Variants in SMOC2 observed in about 807,000 individuals in gnomAD.
SMOC2 encodes SPARC-related modular calcium-binding protein 2.
SMOC2 carries 39 observed loss-of-function variants against 61.4 expected under a neutral mutation model. That is an observed-to-expected ratio of 0.64 (90% CI 0.49 to 0.83). The LOEUF (loss-of-function observed/expected upper bound fraction) is 0.83, where lower values mean the gene tolerates loss of function less well. Ranked by LOEUF, SMOC2 falls within the 40% of genes least tolerant of loss-of-function variation. The probability of loss-of-function intolerance (pLI) is 0.00; values close to 1 mark genes in which losing one functional copy is unlikely to be tolerated. For missense variants in SMOC2, 556 were observed against 592.9 expected (o/e 0.94, Z 0.65); for synonymous variants, 247 against 239.9 (o/e 1.03, Z -0.27).
intron 7 of SMOC2, among the ~76,000 whole-genome samples, chr6:168,574,431 C>A (rs1434958448): frequency 6.6e-6 from 1 of 152,164 alleles, no homozygotes; most frequent in South Asian, 2.1e-4. Flanking sequence ...GGGGAGAGGT[C>A]GCCTGAAGCC....
intron 7 of SMOC2, among the ~76,000 whole-genome samples, chr6:168,550,030 T>C (rs555742164): frequency 6.6e-6 from 1 of 152,344 alleles, no homozygotes; most frequent in South Asian, 2.1e-4. Flanking sequence ...AATGGGTTGC[T>C]TCATCTTTGG....
intron 9 of SMOC2, among the ~76,000 whole-genome samples, chr6:168,643,604 T>A (rs12196836): frequency 0.91 from 137,901 of 152,292 alleles, 62,620 homozygotes; most frequent in African/African-American, 0.96. Context: ...GGCGTGGTGG[T>A]GGGCAGGGGC....
intron 7 of SMOC2, among the ~76,000 whole-genome samples, chr6:168,559,688 C>G (rs148011986): frequency 4.9e-4 from 75 of 152,214 alleles, no homozygotes; most frequent in African/African-American, 1.7e-3. Context: ...CACCCACCAA[C>G]GGCGTTTCCT....
intron 9 of SMOC2, among the ~76,000 whole-genome samples, chr6:168,617,444 C>G (rs1786123409): frequency 6.6e-6 from 1 of 152,150 alleles, no homozygotes; most frequent in East Asian, 1.9e-4. Flanking sequence ...GCCCAGGGCA[C>G]TGCATTCGTG....
At chr6:168,454,288 G>A (rs550387221) in intron 1 of SMOC2, among the ~76,000 whole-genome samples, 8 of 152,116 alleles carry the variant, frequency 5.3e-5, no homozygotes, top group Non-Finnish European at 1.2e-4. Flanking sequence ...TGAGAGCTGA[G>A]GCATCGCTGA....
chr6:168,477,843 A>G (rs778725867), intron 1 of SMOC2, among the ~76,000 whole-genome samples: 20 of 152,184 alleles, frequency 1.3e-4, no homozygotes, highest in Non-Finnish European at 2.2e-4. Flanking sequence ...AGTAAAGTAC[A>G]ATTCTGCAGC....
chr6:168,648,721 G>C (rs1292608084), intron 9 of SMOC2, among the ~76,000 whole-genome samples: 1 of 152,170 alleles, frequency 6.6e-6, no homozygotes, highest in East Asian at 1.9e-4. Context: ...TGCACTCTCA[G>C]AACCCCCCTG....
chr6:168,526,231 TC>T, intron 2 of SMOC2, 114 bp from the exon 3 acceptor site: 1 of 892,072 alleles, frequency 1.1e-6, no homozygotes. Context: ...CTTTCCAGCC[TC>T]CAGGTCCTCA....
chr6:168,574,816 A>G (rs756727446), intron 7 of SMOC2, among the ~76,000 whole-genome samples: 7 of 152,116 alleles, frequency 4.6e-5, no homozygotes, highest in Non-Finnish European at 1.0e-4. Context: ...CCTTTCTCCA[A>G]GTCAAAACAA....
chr6:168,520,164 T>C (rs2763244), intron 2 of SMOC2, among the ~76,000 whole-genome samples: 147,790 of 152,230 alleles, frequency 0.97, 71,749 homozygotes, highest in East Asian at 1. Context: ...CACAGCACTT[T>C]CATCTATATT....
chr6:168,658,880 T>C lies in SMOC2; in HGVS notation c.1286-5194T>C, dbSNP rs146928121. Among the ~76,000 whole-genome samples the C allele has an allele frequency of 3.4e-5, 5 of 147,226 alleles. No individual in the cohort carries two copies. The East Asian group carries it at 1.0e-3, about 29-fold the overall frequency. On this transcript the variant is annotated intron_variant, in intron 11 of 12. Coordinates refer to ENST00000356284, the MANE Select transcript of SMOC2 (RefSeq NM_001166412.2). The stretch of plus-strand genomic sequence containing the variant: ...CAGGACACAGCTCAGACTGTGTGTG[T>C]GTGTGGAGTATGTGTATGTGTGGTG...
chr6:168,610,770 T>C (rs1266512511), intron 9 of SMOC2, among the ~76,000 whole-genome samples: 1 of 150,348 alleles, frequency 6.7e-6, no homozygotes, highest in Non-Finnish European at 1.5e-5. Flanking sequence ...CATTTTATTA[T>C]ATGGCACAAG....
At chr6:168,487,337 G>A (rs535987015) in intron 1 of SMOC2, among the ~76,000 whole-genome samples, 31 of 152,156 alleles carry the variant, frequency 2.0e-4, no homozygotes, top group South Asian at 4.1e-4. Context: ...TTGACTACTC[G>A]TCAGGGTGAT....
In SMOC2 at chr6:168,535,464, T is replaced by A. The variant is rs1490733461; in HGVS notation, c.463+7737T>A. Among the ~76,000 whole-genome samples the A allele has an allele frequency of 6.6e-6, 1 of 152,116 alleles. No homozygotes were observed. The highest frequency in any genetic ancestry group is 1.5e-5 in the Non-Finnish European group (1 of 68,018). Reference sequence around the variant, plus strand: ...AGAGTGATACAGCTGTACTCAGACATTTTTCTCCTGCCATTGAATCAGGGT... The same window carrying A: ...AGAGTGATACAGCTGTACTCAGACAATTTTCTCCTGCCATTGAATCAGGGT... On this transcript the variant is annotated intron_variant, in intron 4 of 12. Coordinates refer to ENST00000356284, the MANE Select transcript of SMOC2 (RefSeq NM_001166412.2). The surrounding 1 kb of genome is among the most constrained non-coding windows in gnomAD (Gnocchi z 4.6).
chr6:168,608,297 C>T, intron 9 of SMOC2, 58 bp downstream of exon 9: 1 of 1,546,470 alleles, frequency 6.5e-7, no homozygotes. Flanking sequence ...CAGTTTCTTG[C>T]AAATTTGGAA....
intron 2 of SMOC2, among the ~76,000 whole-genome samples, chr6:168,516,330 G>A (rs1056511638): frequency 6.6e-5 from 10 of 151,474 alleles, no homozygotes; most frequent in African/African-American, 2.2e-4. Context: ...AGACTTTTAG[G>A]GCTGTCTTTC....
chr6:168,608,026 G>C, intron 8 of SMOC2, 131 bp from the exon 9 acceptor site: 3 of 746,574 alleles, frequency 4.0e-6, no homozygotes, highest in Non-Finnish European at 6.7e-6. Flanking sequence ...GAGGTCATGG[G>C]TGTCATAGCA....
At position 168,451,463 on chromosome 6, in the gene SMOC2, C is replaced by G. The variant is rs1170306968; in HGVS notation, c.84+10009C>G. 2.6e-5 allele frequency among the ~76,000 whole-genome samples: 4 copies of G among 152,184 alleles called. No individual in the cohort carries two copies. In the East Asian group the frequency reaches 7.7e-4, roughly 29 times the overall value. On this transcript the variant is annotated intron_variant, in intron 1 of 12. Transcript: ENST00000356284. ...TAAGGTGCCTGTAAGAATAAAAAACCCACTTTACACTCTGTACCCTTCTCT... is the reference window on the plus strand; with the variant it reads ...TAAGGTGCCTGTAAGAATAAAAAACGCACTTTACACTCTGTACCCTTCTCT...
intron 1 of SMOC2, among the ~76,000 whole-genome samples, chr6:168,470,743 C>T (rs1454155930): frequency 6.6e-6 from 1 of 152,066 alleles, no homozygotes; most frequent in Non-Finnish European, 1.5e-5. Context: ...TGTGACATTA[C>T]TTTGTTCTAT....
Sources: allele counts gnomAD v4.1 joint callset (sites outside exome capture counted in the v4.1 genomes callset), GRCh38; gene constraint gnomAD v4.1.1; non-coding constraint Gnocchi (gnomAD v3.1); transcripts MANE v1.5; gene names NCBI Gene and HGNC (gene_info 2026-07-23, HGNC 2026-07-21).